The following ADAMTS16 variants were observed in gnomAD, a reference collection of about 807,000 sequenced individuals.
ADAMTS16 encodes the protein A disintegrin and metalloproteinase with thrombospondin motifs 16.
In ADAMTS16, 94 loss-of-function variants were observed where a neutral mutation model predicts 145.8. That is an observed-to-expected ratio of 0.64 (90% CI 0.55 to 0.77). The LOEUF is 0.77. Among genes scored for constraint, ADAMTS16 ranks in the 30% least tolerant of loss-of-function variants. The pLI is 0.00. For missense variants in ADAMTS16, 1,585 were observed against 1,591.5 expected (o/e 1.00, Z 0.07); for synonymous variants, 659 against 604.3 (o/e 1.09, Z -1.33).
chr5:5,193,536 G>C (rs1220774642), intron 8 of ADAMTS16, among the ~76,000 whole-genome samples: 1 of 152,182 alleles, frequency 6.6e-6, no homozygotes, highest in African/African-American at 2.4e-5. Flanking sequence ...TGAGGGCTTA[G>C]CCAGTGAACG....
chr5:5,244,990 A>G (rs1737397038), intron 17 of ADAMTS16, among the ~76,000 whole-genome samples: 1 of 152,222 alleles, frequency 6.6e-6, no homozygotes, highest in Non-Finnish European at 1.5e-5. Flanking sequence ...TGTTAATTAC[A>G]GTGACTGCTT....
At chr5:5,178,736 C>T (rs565559372) in intron 3 of ADAMTS16, among the ~76,000 whole-genome samples, 30 of 152,218 alleles carry the variant, frequency 2.0e-4, no homozygotes, top group African/African-American at 5.3e-4. Context: ...CCTGGGGATC[C>T]GGTCCTCTCA....
chr5:5,205,042 CT>C (rs1340702001), intron 9 of ADAMTS16, among the ~76,000 whole-genome samples: 1 of 151,682 alleles, frequency 6.6e-6, no homozygotes, highest in Non-Finnish European at 1.5e-5. Context: ...TAACCTTTTC[CT>C]TTTTAGTAAA....
At chr5:5,289,021 T>C (rs1333042584) in intron 18 of ADAMTS16, among the ~76,000 whole-genome samples, 1 of 152,196 alleles carries the variant, frequency 6.6e-6, no homozygotes, top group Non-Finnish European at 1.5e-5. Flanking sequence ...ACTTGGTGTG[T>C]ATGTGTGCTT....
chr5:5,296,146 G>T (rs1439185784), intron 18 of ADAMTS16, among the ~76,000 whole-genome samples: 2 of 152,170 alleles, frequency 1.3e-5, no homozygotes, highest in South Asian at 2.1e-4. Context: ...AACCCCTTTG[G>T]TTCTGGGTGG....
At chr5:5,292,359 T>C (rs987496323) in intron 18 of ADAMTS16, among the ~76,000 whole-genome samples, 44 of 151,916 alleles carry the variant, frequency 2.9e-4, no homozygotes, top group African/African-American at 1.0e-3. Flanking sequence ...TAGCCGGGCA[T>C]GGAGGTGCAC....
intron 10 of ADAMTS16, among the ~76,000 whole-genome samples, chr5:5,219,248 A>C (rs1286705213): frequency 6.6e-6 from 1 of 151,882 alleles, no homozygotes; most frequent in Non-Finnish European, 1.5e-5. Context: ...AGAACATCAC[A>C]CTCTTCTAGT....
chr5:5,208,425 A>G (rs1736186766), intron 9 of ADAMTS16, among the ~76,000 whole-genome samples: 1 of 152,238 alleles, frequency 6.6e-6, no homozygotes, highest in Non-Finnish European at 1.5e-5. Context: ...CATAAATTAT[A>G]CCAAAGAACA....
At chr5:5,205,336 C>T (rs1473312520) in intron 9 of ADAMTS16, among the ~76,000 whole-genome samples, 4 of 151,386 alleles carry the variant, frequency 2.6e-5, no homozygotes, top group African/African-American at 7.3e-5. Flanking sequence ...AAAAGCTCTA[C>T]TTGTCCCAAA....
intron 11 of ADAMTS16, among the ~76,000 whole-genome samples, chr5:5,224,616 T>C (rs1234451395): frequency 6.6e-6 from 1 of 152,132 alleles, no homozygotes; most frequent in Non-Finnish European, 1.5e-5. Flanking sequence ...TGAAAGAAAA[T>C]GAGTATAATG....
chr5:5,140,870 C>A, intron 2 of ADAMTS16, 104 bp downstream of exon 2: 1 of 1,155,190 alleles, frequency 8.7e-7, no homozygotes, highest in Non-Finnish European at 1.2e-6. Flanking sequence ...CTCTGTGGAA[C>A]CCTACTTTTA....
intron 21 of ADAMTS16, among the ~76,000 whole-genome samples, chr5:5,312,191 C>T (rs1420506339): frequency 6.6e-6 from 1 of 152,150 alleles, no homozygotes; most frequent in Non-Finnish European, 1.5e-5. Flanking sequence ...TGTTGTGGGC[C>T]AGCTCCACCT....
chr5:5,209,068 G>C, intron 9 of ADAMTS16, 25 bp from the exon 10 acceptor site: 1 of 1,605,932 alleles, frequency 6.2e-7, no homozygotes, highest in South Asian at 1.1e-5. Flanking sequence ...GCAGTTACTA[G>C]TAGCTCATCT....
chr5:5,187,200 T>C (rs776264928), intron 5 of ADAMTS16, among the ~76,000 whole-genome samples: 3 of 152,230 alleles, frequency 2.0e-5, no homozygotes, highest in Non-Finnish European at 2.9e-5. Flanking sequence ...TTACATTCCA[T>C]GGTGGACGTG....
intron 18 of ADAMTS16, among the ~76,000 whole-genome samples, chr5:5,266,341 G>T (rs1738238518): frequency 6.6e-6 from 1 of 152,040 alleles, no homozygotes; most frequent in African/African-American, 2.4e-5. Flanking sequence ...CCCTGAAGAG[G>T]CCCCTTTGCA....
intron 5 of ADAMTS16, 123 bp from the exon 6 acceptor site, chr5:5,187,602 C>A: frequency 1.4e-6 from 1 of 707,982 alleles, no homozygotes; most frequent in Non-Finnish European, 2.5e-6. Flanking sequence ...GTCTGCCTAG[C>A]AATACAAGAA....
At chr5:5,306,857 C>T (rs1740187567) in intron 21 of ADAMTS16, 129 bp downstream of exon 21, 1 of 950,886 alleles carries the variant, frequency 1.1e-6, no homozygotes, top group African/African-American at 1.7e-5. Flanking sequence ...ATGAGGTTTT[C>T]TTTCCAGAGC....
intron 15 of ADAMTS16, 120 bp downstream of exon 15, chr5:5,239,394 C>T (rs779519835): frequency 2.0e-5 from 28 of 1,400,556 alleles, no homozygotes; most frequent in Non-Finnish European, 2.4e-5. Context: ...TCGCTTCCTG[C>T]CTCAGCTGGC....
intron 12 of ADAMTS16, among the ~76,000 whole-genome samples, chr5:5,233,557 A>G (rs1737002582): frequency 6.6e-6 from 1 of 152,062 alleles, no homozygotes; most frequent in African/African-American, 2.4e-5. Context: ...TGTTCTCATC[A>G]TTCAGCTCTC....
Sources: gnomAD v4.1 joint callset for allele counts (sites outside exome capture counted in the v4.1 genomes callset) on GRCh38, gnomAD v4.1.1 for gene constraint, MANE v1.5 for transcripts, NCBI Gene and HGNC (gene_info 2026-07-23, HGNC 2026-07-21) for gene names.